Variants in VWC2 observed in about 807,000 individuals in gnomAD.
VWC2 encodes von Willebrand factor C domain containing 2, also known as brorin.
Under a neutral mutation model 29.8 loss-of-function variants are expected in VWC2, and 14 were observed. That is an observed-to-expected ratio of 0.47 (90% CI 0.31 to 0.74). The LOEUF is 0.74. Ranked by LOEUF, VWC2 falls within the 30% of genes least tolerant of loss-of-function variation. The pLI, the probability that VWC2 is intolerant of heterozygous loss-of-function variation, is 0.05. For synonymous variants in VWC2, 213 were observed against 199.0 expected, an observed-to-expected ratio of 1.07 and a Z score of -0.59; for missense variants, 457 against 459.8, an observed-to-expected ratio of 0.99 and a Z score of 0.05.
chr7:49,796,481 T>C (rs1037257200), intron 2 of VWC2, among the ~76,000 whole-genome samples: 4 of 152,288 alleles, frequency 2.6e-5, no homozygotes, highest in Non-Finnish European at 5.9e-5. Flanking sequence ...GGTAACAGGA[T>C]TGTGAACATA....
chr7:49,777,455 T>C (rs1293337743), intron 2 of VWC2, among the ~76,000 whole-genome samples: 2 of 152,210 alleles, frequency 1.3e-5, no homozygotes, highest in Non-Finnish European at 2.9e-5. Context: ...TGGTTATTCA[T>C]TCTGGCTTTA....
At chr7:49,871,908 AACACACACACACACACACACACACACAC>A (rs72332840) in intron 3 of VWC2, among the ~76,000 whole-genome samples, 3 of 87,916 alleles carry the variant, frequency 3.4e-5, no homozygotes, top group African/African-American at 9.1e-5. Context: ...TGTGTATATA[AACACACACACACACACACACACACACAC>A]ACACACACAC....
chr7:49,895,105 T>C (rs192552171), intron 3 of VWC2, among the ~76,000 whole-genome samples: 1 of 152,320 alleles, frequency 6.6e-6, no homozygotes, highest in East Asian at 1.9e-4. Context: ...ACAGTTCTAG[T>C]GGCTGGGAAG....
At chr7:49,781,505 T>C (rs1788176721) in intron 2 of VWC2, among the ~76,000 whole-genome samples, 1 of 152,220 alleles carries the variant, frequency 6.6e-6, no homozygotes, top group Admixed American at 6.5e-5. Context: ...TGGTATTTTC[T>C]TTATTTTTAA....
intron 3 of VWC2, among the ~76,000 whole-genome samples, chr7:49,810,656 G>A (rs770110755): frequency 4.6e-5 from 7 of 152,052 alleles, no homozygotes; most frequent in Admixed American, 1.3e-4. Flanking sequence ...AAGATACCAT[G>A]GTATTGGTGC....
intron 3 of VWC2, among the ~76,000 whole-genome samples, chr7:49,830,499 G>T (rs148054365): frequency 6.6e-6 from 1 of 152,026 alleles, no homozygotes; most frequent in East Asian, 1.9e-4. Flanking sequence ...TTTATTTAAC[G>T]CTACTCTTTC....
intron 3 of VWC2, among the ~76,000 whole-genome samples, chr7:49,837,043 G>A (rs899889394): frequency 6.6e-6 from 1 of 152,198 alleles, no homozygotes; most frequent in Non-Finnish European, 1.5e-5. Flanking sequence ...TTTGATTTGT[G>A]TGACATTAAA....
At chr7:49,853,638 T>C (rs1295000713) in intron 3 of VWC2, among the ~76,000 whole-genome samples, 1 of 152,168 alleles carries the variant, frequency 6.6e-6, no homozygotes, top group Non-Finnish European at 1.5e-5. Flanking sequence ...ACATAAAGTA[T>C]GTTTATGAAC....
rs1794022955 is a variant in VWC2, at chr7:49,921,649, T to C, written c.*9464T>C. Reference sequence around the variant, plus strand: ...AGATATTTATAAAGCACAAGATCTATGTAAAGTGTTTATAACATAATACAT... The same window carrying C: ...AGATATTTATAAAGCACAAGATCTACGTAAAGTGTTTATAACATAATACAT... On this transcript the variant is annotated 3_prime_UTR_variant, in exon 4 of 4. Coordinates refer to ENST00000340652, the MANE Select transcript of VWC2 (RefSeq NM_198570.5). 1 of 152,216 alleles carries C rather than the reference T, an allele frequency of 6.6e-6. No homozygotes were observed. 9.4% of individuals were successfully genotyped at this position (152,216 alleles called of 1,614,324 possible). A position where few individuals can be genotyped will look rare whatever the true frequency, so the allele number is the denominator to read the frequency against.
At chr7:49,777,310 G>A (rs970888406) in intron 2 of VWC2, among the ~76,000 whole-genome samples, 3 of 152,192 alleles carry the variant, frequency 2.0e-5, no homozygotes, top group Admixed American at 1.3e-4. Flanking sequence ...TAATTCCCAG[G>A]ATGTGAAGCC....
intron 3 of VWC2, among the ~76,000 whole-genome samples, chr7:49,845,103 G>A (rs1021834595): frequency 1.4e-4 from 22 of 152,210 alleles, no homozygotes; most frequent in Admixed American, 8.5e-4. Context: ...ACACATGGGC[G>A]GGAACAACAC....
chr7:49,840,806 C>T (rs1441564100), intron 3 of VWC2, among the ~76,000 whole-genome samples: 3 of 152,216 alleles, frequency 2.0e-5, no homozygotes, highest in Admixed American at 6.5e-5. Context: ...ATTTCAGGTT[C>T]GCAGTGAGTC....
intron 3 of VWC2, among the ~76,000 whole-genome samples, chr7:49,872,680 C>T (rs554696582): frequency 6.0e-5 from 9 of 149,090 alleles, no homozygotes; most frequent in South Asian, 2.1e-4. Flanking sequence ...TCAAGGTGGG[C>T]GGATCACCTG....
chr7:49,863,219 AT>A (rs1790731729), intron 3 of VWC2, among the ~76,000 whole-genome samples: 1 of 152,128 alleles, frequency 6.6e-6, no homozygotes, highest in Non-Finnish European at 1.5e-5. Context: ...GAATTTGTCC[AT>A]TTCACGTAGT....
intron 3 of VWC2, among the ~76,000 whole-genome samples, chr7:49,839,498 T>C (rs188085508): frequency 2.0e-5 from 3 of 152,276 alleles, no homozygotes; most frequent in African/African-American, 7.2e-5. Flanking sequence ...TGTTTCACAT[T>C]CTCATGATTA....
intron 3 of VWC2, among the ~76,000 whole-genome samples, chr7:49,824,161 T>A (rs1230581008): frequency 6.6e-6 from 1 of 152,206 alleles, no homozygotes; most frequent in Non-Finnish European, 1.5e-5. Context: ...TGGTCCTGTC[T>A]ATGAAATATT....
chr7:49,904,775 G>A (rs1429296705), intron 3 of VWC2, among the ~76,000 whole-genome samples: 7 of 139,494 alleles, frequency 5.0e-5, no homozygotes, highest in Admixed American at 1.5e-4. Context: ...TCACTCTGTC[G>A]CCCAGGTTGG....
intron 3 of VWC2, among the ~76,000 whole-genome samples, chr7:49,906,463 G>A (rs1438849488): frequency 6.6e-6 from 1 of 151,990 alleles, no homozygotes; most frequent in African/African-American, 2.4e-5. Flanking sequence ...AGCCTCCCAA[G>A]TAGCTGGGAC....
chr7:49,780,793 G>C (rs1049295325), intron 2 of VWC2, among the ~76,000 whole-genome samples: 2 of 152,148 alleles, frequency 1.3e-5, no homozygotes, highest in African/African-American at 4.8e-5. Flanking sequence ...ACAGGAAGGG[G>C]TACTTGGAGG....
Sources: allele counts gnomAD v4.1 joint callset (sites outside exome capture counted in the v4.1 genomes callset), GRCh38; gene constraint gnomAD v4.1.1; transcripts MANE v1.5; gene names NCBI Gene and HGNC (gene_info 2026-07-23, HGNC 2026-07-21).